YAF2: variants seen among roughly 807,000 people sequenced by gnomAD.
YAF2 encodes the protein YY1 associated factor 2, also known as YY1-associated factor 2.
Under a neutral mutation model 20.1 loss-of-function variants are expected in YAF2, and 7 were observed. The observed-to-expected ratio is 0.35, with a 90% CI of 0.20 to 0.65. The LOEUF (loss-of-function observed/expected upper bound fraction) is 0.65, where lower values mean the gene tolerates loss of function less well. Among genes scored for constraint, YAF2 ranks in the 30% least tolerant of loss-of-function variants. YAF2 has a pLI of 0.69. For missense variants in YAF2, 151 were observed against 219.2 expected (o/e 0.69, Z 1.96); for synonymous variants, 74 against 76.0 (o/e 0.97, Z 0.14).
chr12:42,206,658 A>C (rs964500156), intron 2 of YAF2, among the ~76,000 whole-genome samples: 1 of 152,036 alleles, frequency 6.6e-6, no homozygotes, highest in Admixed American at 6.6e-5. Context: ...ACCTTAGACA[A>C]ACTGTTCTTT....
chr12:42,213,230 C>T (rs558605728), intron 2 of YAF2, among the ~76,000 whole-genome samples: 20 of 152,316 alleles, frequency 1.3e-4, no homozygotes, highest in African/African-American at 4.8e-4. Context: ...GGCCAACAGC[C>T]AGATGCCTGA....
At chr12:42,204,937 T>A (rs1267333542) in intron 2 of YAF2, among the ~76,000 whole-genome samples, 2 of 152,158 alleles carry the variant, frequency 1.3e-5, no homozygotes, top group Non-Finnish European at 2.9e-5. Context: ...ATGAAAATGT[T>A]CTAAAAATGA....
At chr12:42,181,400 C>A (rs1400021658) in intron 2 of YAF2, among the ~76,000 whole-genome samples, 1 of 152,200 alleles carries the variant, frequency 6.6e-6, no homozygotes, top group East Asian at 1.9e-4. Context: ...AGTATTATTG[C>A]CCCTTTCATC....
chr12:42,235,756 C>G, intron 2 of YAF2: 1 of 1,535,056 alleles, frequency 6.5e-7, no homozygotes. Context: ...CTTAGATGTA[C>G]TGGTAAAAAA....
chr12:42,221,407 C>CA (rs1457040869), intron 2 of YAF2, among the ~76,000 whole-genome samples: 1 of 151,966 alleles, frequency 6.6e-6, no homozygotes, highest in Non-Finnish European at 1.5e-5. Flanking sequence ...CTCATCTCTA[C>CA]AAAAAATTTT....
intron 2 of YAF2, among the ~76,000 whole-genome samples, chr12:42,162,623 C>CT (rs1411416623): frequency 1.3e-5 from 2 of 152,168 alleles, no homozygotes; most frequent in East Asian, 1.9e-4. Flanking sequence ...ACAATGGTAA[C>CT]TTTATTGCCT....
intron 2 of YAF2, among the ~76,000 whole-genome samples, chr12:42,217,541 G>T (rs2067391319): frequency 6.6e-6 from 1 of 152,054 alleles, no homozygotes; most frequent in South Asian, 2.1e-4. Context: ...ATTTTTATCA[G>T]TACCTACACA....
intron 2 of YAF2, among the ~76,000 whole-genome samples, chr12:42,227,945 G>A (rs1358817533): frequency 1.4e-5 from 2 of 144,840 alleles, no homozygotes; most frequent in African/African-American, 2.6e-5. Flanking sequence ...CCTCAGCCCA[G>A]CCAGCCACCC....
chr12:42,205,585 G>A (rs145110893), intron 2 of YAF2, among the ~76,000 whole-genome samples: 2,286 of 152,202 alleles, frequency 0.015, 55 homozygotes, highest in African/African-American at 0.052. Flanking sequence ...ATCTTGGCCA[G>A]GCTGGTCTTG....
intron 2 of YAF2, among the ~76,000 whole-genome samples, chr12:42,191,867 CAT>C (rs1470547187): frequency 1.3e-5 from 2 of 151,992 alleles, no homozygotes; most frequent in African/African-American, 4.8e-5. Flanking sequence ...GTAGGAGGAT[CAT>C]TTGAGGTCAG....
At chr12:42,207,437 T>G (rs1287136095) in intron 2 of YAF2, among the ~76,000 whole-genome samples, 1 of 151,530 alleles carries the variant, frequency 6.6e-6, no homozygotes, top group Non-Finnish European at 1.5e-5. Context: ...CTCAAAACTA[T>G]ATACTCTTTT....
At chr12:42,198,655 T>A (rs1358525618) in intron 2 of YAF2, among the ~76,000 whole-genome samples, 1 of 152,184 alleles carries the variant, frequency 6.6e-6, no homozygotes, top group African/African-American at 2.4e-5. Flanking sequence ...GATCTAGGTA[T>A]CAGGGAACAC....
chr12:42,236,682 G>A (rs886362873), intron 2 of YAF2, among the ~76,000 whole-genome samples: 4 of 152,128 alleles, frequency 2.6e-5, no homozygotes, highest in African/African-American at 9.7e-5. Flanking sequence ...AGATTAGTAT[G>A]CTTATTGTTA....
At chr12:42,211,427 CAAAAAAAAAAAAA>C (rs34683165) in intron 2 of YAF2, among the ~76,000 whole-genome samples, 18 of 51,608 alleles carry the variant, frequency 3.5e-4, no homozygotes, top group South Asian at 2.7e-3. Context: ...ACTCTGTCTC[CAAAAAAAAAAAAA>C]AAAAAAAAAA....
chr12:42,188,691 T>A (rs1308157540), intron 2 of YAF2, among the ~76,000 whole-genome samples: 1 of 149,038 alleles, frequency 6.7e-6, no homozygotes, highest in Non-Finnish European at 1.5e-5. Flanking sequence ...CAGTCAGAAT[T>A]TTTTTTTTTA....
chr12:42,160,003 CA>C lies in YAF2; in HGVS notation c.*585del, dbSNP rs2065767753. The C allele has an allele frequency of 6.6e-6, 1 of 152,392 alleles. No individual in the cohort carries two copies. Among genetic ancestry groups the C allele is most frequent in the African/African-American group, 2.4e-5 (1 of 41,392 alleles). 9.4% of individuals were successfully genotyped at this position (152,392 alleles called of 1,614,324 possible). A position where few individuals can be genotyped will look rare whatever the true frequency, so the allele number is the denominator to read the frequency against. On this transcript the variant is annotated 3_prime_UTR_variant, in exon 4 of 4. Coordinates refer to ENST00000534854, the MANE Select transcript of YAF2 (RefSeq NM_005748.6). Reference sequence around the variant, plus strand: ...AATAGATAAAACCAGAAACATAATTCAGGAACAATAATTAGTAAAACGTGTC... The same window carrying C: ...AATAGATAAAACCAGAAACATAATTCGGAACAATAATTAGTAAAACGTGTC...
intron 2 of YAF2, among the ~76,000 whole-genome samples, chr12:42,195,412 T>C (rs551537991): frequency 1.3e-5 from 2 of 152,272 alleles, no homozygotes; most frequent in South Asian, 4.2e-4. Flanking sequence ...TAAAACAAGA[T>C]TTCTAAAAAG....
intron 2 of YAF2, chr12:42,235,327 T>G: frequency 1.0e-6 from 1 of 1,001,186 alleles, no homozygotes; most frequent in Non-Finnish European, 1.2e-6. Flanking sequence ...AACTTTTGCT[T>G]CTCAACACCG....
At chr12:42,175,638 A>G (rs2066163513) in intron 2 of YAF2, among the ~76,000 whole-genome samples, 1 of 145,270 alleles carries the variant, frequency 6.9e-6, no homozygotes, top group Admixed American at 7.0e-5. Context: ...GCACTATGGG[A>G]GGCCGAGGTG....
Sources: gnomAD v4.1 joint callset for allele counts (sites outside exome capture counted in the v4.1 genomes callset) on GRCh38, gnomAD v4.1.1 for gene constraint, MANE v1.5 for transcripts, NCBI Gene and HGNC (gene_info 2026-07-23, HGNC 2026-07-21) for gene names.